The following AFG3L2 variants were observed in gnomAD, a reference collection of about 807,000 sequenced individuals.
AFG3L2 encodes the protein mitochondrial inner membrane m-AAA protease component AFG3L2.
In AFG3L2, 54 loss-of-function variants were observed where a neutral mutation model predicts 94.5. The observed-to-expected ratio is 0.57, with a 90% CI of 0.46 to 0.72. The LOEUF is 0.72. Ranked by LOEUF, AFG3L2 falls within the 30% of genes least tolerant of loss-of-function variation. AFG3L2 has a pLI of 0.00. For synonymous variants in AFG3L2, 377 were observed against 365.5 expected (o/e 1.03, Z -0.36); for missense variants, 754 against 994.9 (o/e 0.76, Z 3.26).
chr18:12,372,384 C>A (rs971964969), intron 1 of AFG3L2, among the ~76,000 whole-genome samples: 6 of 152,132 alleles, frequency 3.9e-5, no homozygotes, highest in African/African-American at 1.4e-4. Flanking sequence ...ATCAAAAAGA[C>A]AGACAAGTAT....
rs1216082158 is a variant in AFG3L2, at chr18:12,353,047, C to G, written c.1276G>C (p.Glu426Gln). The part of the protein sequence containing the change: ...RGRGNFGGQS[E>Q]QENTLNQLLV... The stretch of plus-strand genomic sequence containing the variant: ...AGCTGGTTGAGTGTGTTCTCCTGCT[C>G]ACTCTGCCCTCCAAAGTTGCCTCTT... The change falls in exon 10 of 17, where the codon GAG becomes CAG. Residue 426 changes from glutamate (E) to glutamine (Q), a missense_variant. Coordinates refer to ENST00000269143, the MANE Select transcript of AFG3L2 (RefSeq NM_006796.3). 6.2e-7 allele frequency: 1 copy of G among 1,614,030 alleles called. No individual in the cohort carries two copies. The highest frequency in any genetic ancestry group is 8.5e-7 in the Non-Finnish European group (1 of 1,180,028).
In AFG3L2 at chr18:12,353,156, G is replaced by A. The variant is rs1282576516; in HGVS notation, c.1167C>T (p.Val389=). ...TCCGAGCAAGGGCAAATAAGTCTCG[G>A]ACCTTGGCAAAAACAGAAAGAGAGT... The part of the protein sequence containing the change: ...EMFVGVGPAR[V]RDLFALARKN... Residue 389 remains valine, a splice_region_variant and synonymous_variant, in exon 10 of 17, where the codon GTC becomes GTT. Coordinates refer to ENST00000269143, the MANE Select transcript of AFG3L2 (RefSeq NM_006796.3). 1 of 1,613,850 alleles carries A rather than the reference G, an allele frequency of 6.2e-7. No individual in the cohort carries two copies. Among genetic ancestry groups the A allele is most frequent in the Non-Finnish European group, 8.5e-7 (1 of 1,179,894 alleles).
At chr18:12,344,025 G>C (rs1908040425) in intron 14 of AFG3L2, 107 bp downstream of exon 14, 2 of 1,015,174 alleles carry the variant, frequency 2.0e-6, no homozygotes, top group East Asian at 2.4e-5. Context: ...TTTGGCTAAA[G>C]CCTTGTTTCT....
chr18:12,358,950 A>G lies in AFG3L2; in HGVS notation c.753-7T>C. 8 of 1,609,622 alleles carry G rather than the reference A, an allele frequency of 5.0e-6. No homozygotes were observed. Among genetic ancestry groups the G allele is most frequent in the Non-Finnish European group, 6.8e-6 (8 of 1,177,788 alleles). On this transcript the variant is annotated splice_polypyrimidine_tract_variant and splice_region_variant and intron_variant, in intron 7 of 16. Transcript: ENST00000269143. Reference sequence around the variant, plus strand: ...CATGCTCAGCAGAAAAGAGCTGGGGACACACAGCGCAACACGGGTTAGGAC... The same window carrying G: ...CATGCTCAGCAGAAAAGAGCTGGGGGCACACAGCGCAACACGGGTTAGGAC...
chr18:12,340,999 TCCC>T (rs1285867421), intron 14 of AFG3L2: 1 of 152,988 alleles, frequency 6.5e-6, no homozygotes, highest in Non-Finnish European at 1.4e-5. Flanking sequence ...TACAAGCAAT[TCCC>T]CCACCTTGGC....
chr18:12,336,779 C>T (rs1476974823), intron 16 of AFG3L2, among the ~76,000 whole-genome samples: 3 of 151,838 alleles, frequency 2.0e-5, no homozygotes, highest in Non-Finnish European at 4.4e-5. Context: ...AAGAAGTTAC[C>T]AAATGCAAGA....
chr18:12,330,114 C>G (rs1907472435), intron 16 of AFG3L2, among the ~76,000 whole-genome samples: 1 of 152,186 alleles, frequency 6.6e-6, no homozygotes, highest in African/African-American at 2.4e-5. Context: ...GCGGGTGGAT[C>G]ACAAGGTCAA....
At chr18:12,346,077 G>A (rs1421689972) in intron 13 of AFG3L2, among the ~76,000 whole-genome samples, 1 of 152,064 alleles carries the variant, frequency 6.6e-6, no homozygotes, top group Non-Finnish European at 1.5e-5. Flanking sequence ...CCACATCCCT[G>A]TGCCTCGCCC....
chr18:12,367,415 C>T (rs373078477), intron 3 of AFG3L2, 33 bp from the exon 4 acceptor site: 193 of 1,602,548 alleles, frequency 1.2e-4, no homozygotes, highest in East Asian at 6.9e-4. Flanking sequence ...CACAGAAGCA[C>T]GGCAAGGTTT....
At chr18:12,357,759 A>C (rs908295995) in intron 8 of AFG3L2, among the ~76,000 whole-genome samples, 1 of 152,102 alleles carries the variant, frequency 6.6e-6, no homozygotes, top group Non-Finnish European at 1.5e-5. Context: ...CACCATGCCC[A>C]GCTAATTTTT....
At chr18:12,351,435 A>C in intron 10 of AFG3L2, 22 bp from the exon 11 acceptor site, 1 of 1,605,150 alleles carries the variant, frequency 6.2e-7, no homozygotes, top group Non-Finnish European at 8.5e-7. Flanking sequence ...CAAAAATGCA[A>C]ACACTATTAA....
chr18:12,367,153 A>G lies in AFG3L2; in HGVS notation c.400-36T>C. The G allele has an allele frequency of 1.9e-6, 3 of 1,613,978 alleles. No individual in the cohort carries two copies. In the Middle Eastern group the frequency reaches 4.9e-4, roughly 266 times the overall value. On this transcript the variant is annotated intron_variant, in intron 4 of 16. Coordinates refer to ENST00000269143, the MANE Select transcript of AFG3L2 (RefSeq NM_006796.3). ...AGGGAGACAGCTTCTGTGAAGAATGAAATTCCACAATACGATCTATGCTCT... is the reference window on the plus strand; with the variant it reads ...AGGGAGACAGCTTCTGTGAAGAATGGAATTCCACAATACGATCTATGCTCT...
At chr18:12,346,401 G>A (rs144225921) in intron 13 of AFG3L2, among the ~76,000 whole-genome samples, 1 of 152,086 alleles carries the variant, frequency 6.6e-6, no homozygotes, top group Admixed American at 6.5e-5. Context: ...TCACATGCAG[G>A]ACAGCTCATT....
chr18:12,373,458 T>C (rs1049254556), intron 1 of AFG3L2, among the ~76,000 whole-genome samples: 4 of 152,208 alleles, frequency 2.6e-5, no homozygotes, highest in African/African-American at 9.6e-5. Context: ...AGTTACACTA[T>C]GGCATAACAA....
At position 12,329,741 on chromosome 18, in the gene AFG3L2, C is replaced by A. The variant is rs2143074393; in HGVS notation, c.2218G>T (p.Asp740Tyr). Residue 740 changes from aspartate (D) to tyrosine (Y), a missense_variant, in exon 17 of 17, where the codon GAT (aspartate) becomes TAT (tyrosine). Asp to Tyr is a radical substitution (Grantham distance 160, BLOSUM62 -3). Transcript: ENST00000269143. Reference sequence around the variant, plus strand: ...CTGGGGCCCAAAAGTTCAACCATATCATTCTTATCTAATACTTCTTTTTCT... The same window carrying A: ...CTGGGGCCCAAAAGTTCAACCATATAATTCTTATCTAATACTTCTTTTTCT... ...LLEKEVLDKN[D>Y]MVELLGPRPF... is the part of the protein sequence containing the mutation. 4 of 1,614,220 alleles carry A rather than the reference C, an allele frequency of 2.5e-6. No homozygotes were observed. The highest frequency in any genetic ancestry group is 3.4e-6 in the Non-Finnish European group (4 of 1,180,046).
At chr18:12,337,659 C>T in intron 15 of AFG3L2, 124 bp from the exon 16 acceptor site, 2 of 822,484 alleles carry the variant, frequency 2.4e-6, no homozygotes, top group Non-Finnish European at 4.1e-6. Flanking sequence ...GCAGCAGCAG[C>T]AGCAGCACAG....
In AFG3L2 at chr18:12,340,183, A is replaced by T. The variant is rs377272405; in HGVS notation, c.1980+18T>A. ...ATATGAATACATGAGGAGGAAATGC[A>T]CTCTTTCATATACTCACTTGGGCAT... is the stretch of plus-strand genomic sequence containing the variant. On this transcript the variant is annotated intron_variant, in intron 15 of 16. Transcript: ENST00000269143. 52 of 1,598,908 alleles carry T rather than the reference A, an allele frequency of 3.3e-5. No homozygotes were observed. In the African/African-American group the frequency reaches 6.4e-4, roughly 20 times the overall value.
At chr18:12,350,654 A>T (rs1394221413) in intron 12 of AFG3L2, among the ~76,000 whole-genome samples, 1 of 152,214 alleles carries the variant, frequency 6.6e-6, no homozygotes, top group African/African-American at 2.4e-5. Flanking sequence ...CATAATAACA[A>T]AGTAAAAATA....
rs387906889 is a variant in AFG3L2 at position 12,340,334 on chromosome 18, T to C, written c.1847A>G (p.Tyr616Cys). The C allele has an allele frequency of 1.7e-5, 28 of 1,614,140 alleles. No homozygotes were observed. Among genetic ancestry groups the C allele is most frequent in the Non-Finnish European group, 2.3e-5 (27 of 1,179,972 alleles). Reference protein sequence around the residue: ...AQYLPKEQYLYTKEQLLDRMC... With the variant: ...AQYLPKEQYLCTKEQLLDRMC... ...CCTATCCAAGAGCTGCTCTTTGGTA[T>C]AGAGGTATTGTTCTTTTGGTAAATA... is the stretch of plus-strand genomic sequence containing the variant. The change falls in exon 15 of 17, where the codon TAT (tyrosine) becomes TGT (cysteine). Residue 616 changes from tyrosine (Y) to cysteine (C), a missense_variant. Transcript: ENST00000269143.
Sources: gnomAD v4.1 joint callset for allele counts (sites outside exome capture counted in the v4.1 genomes callset) on GRCh38, gnomAD v4.1.1 for gene constraint, MANE v1.5 for transcripts, NCBI Gene and HGNC (gene_info 2026-07-23, HGNC 2026-07-21) for gene names.